The following KIAA0930 variants were observed in gnomAD, a reference collection of about 807,000 sequenced individuals.
KIAA0930 encodes uncharacterized protein KIAA0930.
In KIAA0930, 24 loss-of-function variants were observed where a neutral mutation model predicts 43.9. That is an observed-to-expected ratio of 0.55 (90% CI 0.40 to 0.77). The LOEUF (loss-of-function observed/expected upper bound fraction) is 0.77. KIAA0930 is among the 30% of genes least tolerant of loss of function. KIAA0930 has a pLI of 0.00. For synonymous variants in KIAA0930, 259 were observed against 216.4 expected (o/e 1.20, Z -1.73); for missense variants, 461 against 574.2 (o/e 0.80, Z 2.02).
rs1139801 is a variant in KIAA0930 at position 45,203,005 on chromosome 22, C to T, written c.837G>A (p.Ser279=). The T allele has an allele frequency of 6.2e-5, 100 of 1,609,240 alleles. No individual in the cohort carries two copies. Among genetic ancestry groups the T allele is most frequent in the Admixed American group, 8.4e-5 (5 of 59,490 alleles). Residue 279 remains serine (S), a synonymous_variant, in exon 7 of 10, where the codon TCG becomes TCA. Transcript: ENST00000336156. ...CGTEEDSSPA[S]PMHERVTSFS... is the part of the protein sequence containing the mutation. ...CAGCCCTTACCCGCTCGTGCATGGG[C>T]GAAGCTGGGCTGGAGTCCTCTTCAG... is the stretch of plus-strand genomic sequence containing the variant.
rs1601816502 is a variant in KIAA0930 at position 45,211,805 on chromosome 22, A to G, written c.216+151T>C. Reference sequence around the variant, plus strand: ...GATTTGCACATGAGACTGTCTACACAGTTCCTGGAATACAGTAGGTGCTCA... The same window carrying G: ...GATTTGCACATGAGACTGTCTACACGGTTCCTGGAATACAGTAGGTGCTCA... On this transcript the variant is annotated intron_variant, in intron 2 of 9. Coordinates refer to ENST00000336156, the MANE Select transcript of KIAA0930 (RefSeq NM_001009880.2). 7.4e-6 allele frequency: 6 copies of G among 805,852 alleles called. No individual in the cohort carries two copies. In the East Asian group the frequency reaches 1.5e-4, roughly 20 times the overall value. 49.9% of individuals were successfully genotyped at this position (805,852 alleles called of 1,614,324 possible). A position where few individuals can be genotyped will look rare whatever the true frequency, so the allele number is the denominator to read the frequency against.
intron 1 of KIAA0930, among the ~76,000 whole-genome samples, chr22:45,223,999 C>T (rs2083783532): frequency 6.6e-6 from 1 of 152,206 alleles, no homozygotes; most frequent in African/African-American, 2.4e-5. Flanking sequence ...CTCATGGCCT[C>T]TGGGGAGAAA....
intron 6 of KIAA0930, among the ~76,000 whole-genome samples, chr22:45,203,638 G>A (rs2083609509): frequency 6.6e-6 from 1 of 152,192 alleles, no homozygotes. Flanking sequence ...GAAGGCAAGT[G>A]GCCCGCATGG....
In KIAA0930 at chr22:45,197,716, A is replaced by C; in HGVS notation, c.1174+74T>G. On this transcript the variant is annotated intron_variant, in intron 9 of 9. Coordinates refer to ENST00000336156, the MANE Select transcript of KIAA0930 (RefSeq NM_001009880.2). Reference sequence around the variant, plus strand: ...AGGGCGGGATGACTCCGGGTGGCTCACAAGTACCAAGGCCCTGGAGGCAGA... The same window carrying C: ...AGGGCGGGATGACTCCGGGTGGCTCCCAAGTACCAAGGCCCTGGAGGCAGA... 8 of 1,539,916 alleles carry C rather than the reference A, an allele frequency of 5.2e-6. 1 individual carries two copies. In the South Asian group the frequency reaches 8.1e-5, roughly 16 times the overall value.
chr22:45,220,494 T>C (rs2147755800), intron 1 of KIAA0930, among the ~76,000 whole-genome samples: 1 of 152,238 alleles, frequency 6.6e-6, no homozygotes, highest in East Asian at 1.9e-4. Flanking sequence ...TTCATATCTA[T>C]TTAGAGCTCA....
chr22:45,218,514 T>C (rs2083747743), intron 1 of KIAA0930, among the ~76,000 whole-genome samples: 1 of 151,680 alleles, frequency 6.6e-6, no homozygotes. Flanking sequence ...CTTTCACCCA[T>C]TGTCTTTTCA....
chr22:45,228,172 G>C (rs970792619), intron 1 of KIAA0930, among the ~76,000 whole-genome samples: 3 of 152,098 alleles, frequency 2.0e-5, no homozygotes, highest in African/African-American at 7.2e-5. Flanking sequence ...AGTGGGGTGT[G>C]ATTCTTCTCG....
At chr22:45,213,264 AGCCCTCAGCCCTCTGCCCTCT>A (rs1458769521) in intron 1 of KIAA0930, 49 of 1,259,696 alleles carry the variant, frequency 3.9e-5, no homozygotes, top group Middle Eastern at 2.2e-4. Context: ...CTCGGCCCTC[AGCCCTCAGCCCTCTGCCCTCT>A]GCCCTCAGCC....
intron 8 of KIAA0930, among the ~76,000 whole-genome samples, chr22:45,199,475 CCAAGGCAGCG>C (rs2083567189): frequency 6.6e-6 from 1 of 152,162 alleles, no homozygotes. Context: ...GCGAGCTGGC[CCAAGGCAGCG>C]CAAGGGAGGG....
At position 45,197,856 on chromosome 22, in the gene KIAA0930, C is replaced by T; in HGVS notation, c.1108G>A (p.Asp370Asn). 6.2e-7 allele frequency: 1 copy of T among 1,614,242 alleles called. No individual in the cohort carries two copies. The highest frequency in any genetic ancestry group is 2.2e-5 in the East Asian group (1 of 44,890). Residue 370 changes from aspartate (D) to asparagine (N), a missense_variant, in exon 9 of 10, where the codon GAT (aspartate) becomes AAT (asparagine). Coordinates refer to ENST00000336156, the MANE Select transcript of KIAA0930 (RefSeq NM_001009880.2). ...VGSWLKLNRA[D>N]GNFLLYAHLT... ...TGTGCATAGAGAAGGAAGTTTCCATCTGCTCTGTTCAGCTTCAGCCAGGAC... is the reference window on the plus strand; with the variant it reads ...TGTGCATAGAGAAGGAAGTTTCCATTTGCTCTGTTCAGCTTCAGCCAGGAC...
intron 2 of KIAA0930, among the ~76,000 whole-genome samples, chr22:45,210,001 C>T (rs147646715): frequency 1.1e-4 from 16 of 152,290 alleles, no homozygotes; most frequent in African/African-American, 2.9e-4. Flanking sequence ...CCTCATCTGC[C>T]GTTCCTTTCT....
chr22:45,206,605 A>G (rs192410442), intron 2 of KIAA0930, among the ~76,000 whole-genome samples: 96 of 152,224 alleles, frequency 6.3e-4, no homozygotes, highest in African/African-American at 2.3e-3. Flanking sequence ...GCCCCATGTT[A>G]ACAGATCAGA....
Position 45,203,172 on chromosome 22 carries a change from C to G in KIAA0930, c.670G>C (p.Ala224Pro). 1 of 1,602,020 alleles carries G rather than the reference C, an allele frequency of 6.2e-7. No individual in the cohort carries two copies. The highest frequency in any genetic ancestry group is 1.7e-5 in the Admixed American group (1 of 59,060). Residue 224 changes from alanine to proline, a missense_variant, in exon 7 of 10, where the codon GCC becomes CCC. By Grantham distance (27) the Ala-to-Pro change is conservative (BLOSUM62 -1). Transcript: ENST00000336156. ...KVYDNRVSVA[A>P]RMAQKMSFGF... ...AACGACATCTTCTGTGCCATGCGGG[C>G]GGCCACGCTCACCTGGGGGCCGGCG... is the stretch of plus-strand genomic sequence containing the variant.
intron 1 of KIAA0930, among the ~76,000 whole-genome samples, chr22:45,235,930 T>C (rs917198160): frequency 2.0e-5 from 3 of 152,204 alleles, no homozygotes; most frequent in Non-Finnish European, 2.9e-5. Flanking sequence ...CCTAGCAAAG[T>C]GATGGCGGGT....
chr22:45,239,643 A>AG (rs1248550293), intron 1 of KIAA0930, among the ~76,000 whole-genome samples: 1 of 152,154 alleles, frequency 6.6e-6, no homozygotes, highest in African/African-American at 2.4e-5. Context: ...GTGTGACCTT[A>AG]GGGGGATGCA....
At chr22:45,226,352 G>GA in intron 1 of KIAA0930, 1 of 471,030 alleles carries the variant, frequency 2.1e-6, no homozygotes, top group South Asian at 1.5e-5. Flanking sequence ...CAGTTCTGTG[G>GA]GCCTGCTCTG....
chr22:45,192,916 A>G lies in KIAA0930; in HGVS notation c.*4260T>C, dbSNP rs576035459. On this transcript the variant is annotated 3_prime_UTR_variant, in exon 10 of 10. Coordinates refer to ENST00000336156, the MANE Select transcript of KIAA0930 (RefSeq NM_001009880.2). ...ACTGAGGATCAAGCCAGCCAGTGAAAAAGAAAAAACAAAAGCCCCAGCAGG... is the reference window on the plus strand; with the variant it reads ...ACTGAGGATCAAGCCAGCCAGTGAAGAAGAAAAAACAAAAGCCCCAGCAGG... 17 of 148,424 alleles carry G rather than the reference A, an allele frequency of 1.1e-4. No individual in the cohort carries two copies. The highest frequency in any genetic ancestry group is 2.0e-4 in the Non-Finnish European group (13 of 65,560). The allele number at this position is 148,424 out of a possible 1,614,324, so 9.2% of individuals were successfully genotyped here. A position where few individuals can be genotyped will look rare whatever the true frequency, so the allele number is the denominator to read the frequency against.
At chr22:45,220,443 C>A (rs1212889942) in intron 1 of KIAA0930, among the ~76,000 whole-genome samples, 3 of 149,998 alleles carry the variant, frequency 2.0e-5, no homozygotes, top group Admixed American at 2.0e-4. Context: ...GACTCAGTCT[C>A]CAAAAAAAAA....
chr22:45,218,822 C>T (rs5766555), intron 1 of KIAA0930, among the ~76,000 whole-genome samples: 18,157 of 151,992 alleles, frequency 0.12, 1,132 homozygotes, highest in East Asian at 0.21. Context: ...AGACCTCTCC[C>T]CTCCCCCAAC....
Sources: allele counts gnomAD v4.1 joint callset (sites outside exome capture counted in the v4.1 genomes callset), GRCh38; gene constraint gnomAD v4.1.1; transcripts MANE v1.5; gene names NCBI Gene and HGNC (gene_info 2026-07-23, HGNC 2026-07-21).